GMDS: variants seen among roughly 807,000 people sequenced by gnomAD.
GMDS encodes GDP-mannose 4,6-dehydratase, also known as GDP-mannose 4,6 dehydratase.
GMDS carries 20 observed loss-of-function variants against 49.9 expected under a neutral mutation model. The ratio of observed to expected loss-of-function variants is 0.40; its 90% CI spans 0.28 to 0.58. The LOEUF is 0.58. GMDS is among the 20% of genes least tolerant of loss of function. The pLI is 0.42. For missense variants in GMDS, 362 were observed against 481.4 expected, an observed-to-expected ratio of 0.75 and a Z score of 2.32; for synonymous variants, 177 against 178.6, an observed-to-expected ratio of 0.99 and a Z score of 0.07.
At position 2,181,646 on chromosome 6, in the gene GMDS, T is replaced by C. The variant is rs571867942; in HGVS notation, c.103-56915A>G. 1.2e-4 allele frequency among the ~76,000 whole-genome samples: 19 copies of C among 152,316 alleles called. No individual in the cohort carries two copies. The Middle Eastern group carries it at 0.01, about 82-fold the overall frequency. ...TTATGTCAGTTGTGGTGGTCTGTGA[T>C]CAGTCATCTTTGTTACCACTGTAAT... is the stretch of plus-strand genomic sequence containing the variant. On this transcript the variant is annotated intron_variant, in intron 1 of 10. Transcript: ENST00000380815.
chr6:1,685,486 T>G (rs1764946069), intron 9 of GMDS, among the ~76,000 whole-genome samples: 1 of 152,006 alleles, frequency 6.6e-6, no homozygotes, highest in Admixed American at 6.6e-5. Flanking sequence ...TAGTAAGGGT[T>G]TTTTTTTAAT....
intron 1 of GMDS, among the ~76,000 whole-genome samples, chr6:2,243,557 G>A (rs985321625): frequency 2.0e-5 from 3 of 152,152 alleles, no homozygotes; most frequent in African/African-American, 7.2e-5. Context: ...ATCATCTGCA[G>A]AAAGGTCCCA....
intron 7 of GMDS, among the ~76,000 whole-genome samples, chr6:1,830,801 C>T (rs1221798964): frequency 1.3e-5 from 2 of 152,142 alleles, no homozygotes; most frequent in Non-Finnish European, 2.9e-5. Flanking sequence ...ATAGTATACA[C>T]ACTATACTAT....
At chr6:1,810,019 G>A (rs910771731) in intron 7 of GMDS, among the ~76,000 whole-genome samples, 1 of 122,774 alleles carries the variant, frequency 8.1e-6, no homozygotes, top group African/African-American at 3.1e-5. Flanking sequence ...GTGGTTAACA[G>A]TTCCTTCGGT....
chr6:1,655,156 G>C (rs543924401), intron 9 of GMDS, among the ~76,000 whole-genome samples: 1 of 151,600 alleles, frequency 6.6e-6, no homozygotes, highest in Admixed American at 6.6e-5. Flanking sequence ...TTTCAAAAAG[G>C]AGATTAAAAG....
chr6:2,175,576 T>A (rs1231551901), intron 1 of GMDS, among the ~76,000 whole-genome samples: 2 of 152,198 alleles, frequency 1.3e-5, no homozygotes, highest in East Asian at 3.8e-4. Flanking sequence ...GGTTGTATCA[T>A]TTCACTCAAT....
chr6:1,644,883 C>T lies in GMDS; in HGVS notation c.988-20343G>A, dbSNP rs377718554. Reference sequence around the variant, plus strand: ...TTAGTGAGTAACTTGCCCAGAGTCACGAGGTTAGGAAGTGGGGTGTATCAG... The same window carrying T: ...TTAGTGAGTAACTTGCCCAGAGTCATGAGGTTAGGAAGTGGGGTGTATCAG... On this transcript the variant is annotated intron_variant, in intron 9 of 10. Coordinates refer to ENST00000380815, the MANE Select transcript of GMDS (RefSeq NM_001500.4). 6.6e-5 allele frequency among the ~76,000 whole-genome samples: 10 copies of T among 150,904 alleles called. No homozygotes were observed. The East Asian group carries it at 1.6e-3, about 24-fold the overall frequency.
chr6:2,200,533 T>C (rs1247784446), intron 1 of GMDS, among the ~76,000 whole-genome samples: 3 of 144,872 alleles, frequency 2.1e-5, no homozygotes, highest in Non-Finnish European at 3.0e-5. Flanking sequence ...GAGGGCATCA[T>C]GTTAGCAGAG....
chr6:1,751,357 C>T (rs571564830), intron 7 of GMDS, among the ~76,000 whole-genome samples: 11 of 152,322 alleles, frequency 7.2e-5, no homozygotes, highest in South Asian at 4.1e-4. Context: ...CCCTCTGGAA[C>T]GAAGCTCCCG....
At chr6:2,138,311 T>C (rs1199615793) in intron 1 of GMDS, among the ~76,000 whole-genome samples, 2 of 152,212 alleles carry the variant, frequency 1.3e-5, no homozygotes, top group Non-Finnish European at 2.9e-5. Flanking sequence ...AAAATATCTT[T>C]AAGTTTTTGT....
chr6:1,751,776 G>A (rs1381990079), intron 7 of GMDS, among the ~76,000 whole-genome samples: 2 of 152,186 alleles, frequency 1.3e-5, no homozygotes, highest in African/African-American at 4.8e-5. Flanking sequence ...ACAGGCATGA[G>A]CCACCGTGCC....
At chr6:1,899,550 C>T (rs1379374708) in intron 7 of GMDS, among the ~76,000 whole-genome samples, 1 of 152,058 alleles carries the variant, frequency 6.6e-6, no homozygotes, top group Non-Finnish European at 1.5e-5. Flanking sequence ...CTGCAATGAA[C>T]CAAGAGAGAA....
In GMDS at chr6:2,138,761, C is replaced by T. The variant is rs115553486; in HGVS notation, c.103-14030G>A. On this transcript the variant is annotated intron_variant, in intron 1 of 10. Transcript: ENST00000380815. ...AAATTCTGCTTTCAGGCAATTACTT[C>T]CATCAATTCTTCATTGACCTTTGAG... Among the ~76,000 whole-genome samples the T allele has an allele frequency of 6.4e-3, 968 of 152,316 alleles. 11 individuals carry two copies. The highest frequency in any genetic ancestry group is 0.022 in the African/African-American group (927 of 41,560).
chr6:2,229,240 G>A (rs141360775), intron 1 of GMDS, among the ~76,000 whole-genome samples: 11 of 152,114 alleles, frequency 7.2e-5, no homozygotes, highest in African/African-American at 1.7e-4. Flanking sequence ...ACTTTCTTTC[G>A]TCCTAGTACA....
rs1225796941 is a variant in GMDS at position 1,959,819 on chromosome 6, T to C, written c.643+48A>G. ...CACCAAATAGACATGCAACTTGTTG[T>C]TGTTGTTCAAGTCTGAAATTCTCTT... On this transcript the variant is annotated intron_variant, in intron 6 of 10. Coordinates refer to ENST00000380815, the MANE Select transcript of GMDS (RefSeq NM_001500.4). The C allele has an allele frequency of 2.7e-6, 3 of 1,095,324 alleles. No homozygotes were observed. The African/African-American group carries it at 4.7e-5, about 17-fold the overall frequency. The allele number at this position is 1,095,324 out of a possible 1,614,324, so 67.9% of individuals were successfully genotyped here.
intron 4 of GMDS, among the ~76,000 whole-genome samples, chr6:2,080,916 C>G (rs1393720768): frequency 6.6e-6 from 1 of 152,118 alleles, no homozygotes; most frequent in Admixed American, 6.5e-5. Flanking sequence ...TGCTGATATT[C>G]AACTACTGTA....
intron 9 of GMDS, among the ~76,000 whole-genome samples, chr6:1,657,853 C>CAAAAAAAAAAAAAAA (rs757277370): frequency 1.7e-4 from 11 of 63,354 alleles, no homozygotes; most frequent in South Asian, 6.9e-4. Context: ...AGAACTCAAG[C>CAAAAAAAAAAAAAAA]AAAAAAAAAA....
intron 4 of GMDS, among the ~76,000 whole-genome samples, chr6:1,975,604 A>G (rs1427973369): frequency 6.6e-6 from 1 of 152,244 alleles, no homozygotes; most frequent in Admixed American, 6.5e-5. Flanking sequence ...GGAATACACT[A>G]TGAAAATCTC....
intron 7 of GMDS, among the ~76,000 whole-genome samples, chr6:1,835,859 TTTTA>T (rs1240036233): frequency 1.4e-5 from 2 of 140,096 alleles, no homozygotes; most frequent in Non-Finnish European, 3.0e-5. Flanking sequence ...TTGCTTTTTA[TTTTA>T]TTTTATTTTT....
Sources: allele counts gnomAD v4.1 joint callset (sites outside exome capture counted in the v4.1 genomes callset), GRCh38; gene constraint gnomAD v4.1.1; transcripts MANE v1.5; gene names NCBI Gene and HGNC (gene_info 2026-07-23, HGNC 2026-07-21).